CMIP: variants seen among roughly 807,000 people sequenced by gnomAD.
CMIP encodes c-Maf inducing protein.
In CMIP, 13 loss-of-function variants were observed where a neutral mutation model predicts 97.3. That is an observed-to-expected ratio of 0.13 (90% CI 0.09 to 0.21). The LOEUF is 0.21. Among genes scored for constraint, CMIP ranks in the 10% least tolerant of loss-of-function variants. The pLI, the probability that CMIP is intolerant of heterozygous loss-of-function variation, is 1.00. For synonymous variants in CMIP, 538 were observed against 436.3 expected (o/e 1.23, Z -2.91); for missense variants, 847 against 1,024.9 (o/e 0.83, Z 2.37).
chr16:81,501,537 G>A (rs1312778542), intron 1 of CMIP, among the ~76,000 whole-genome samples: 2 of 152,130 alleles, frequency 1.3e-5, no homozygotes, highest in Non-Finnish European at 2.9e-5. Context: ...AGCTGGGGGT[G>A]GAGTGGGGTC....
At chr16:81,485,953 C>T (rs932579126) in intron 1 of CMIP, among the ~76,000 whole-genome samples, 8 of 152,154 alleles carry the variant, frequency 5.3e-5, no homozygotes, top group South Asian at 4.1e-4. Flanking sequence ...GTCACTCAGG[C>T]GCTGTGAGTG....
intron 1 of CMIP, among the ~76,000 whole-genome samples, chr16:81,448,502 C>A (rs923524088): frequency 1.3e-5 from 2 of 152,192 alleles, no homozygotes; most frequent in Non-Finnish European, 2.9e-5. Context: ...TCCAAGGGAC[C>A]TGATAGCCCT....
intron 4 of CMIP, among the ~76,000 whole-genome samples, chr16:81,653,647 C>T (rs1169101277): frequency 6.6e-6 from 1 of 152,196 alleles, no homozygotes; most frequent in East Asian, 1.9e-4. Flanking sequence ...AGGCAGGTGC[C>T]AGGTGCCACC....
intron 10 of CMIP, among the ~76,000 whole-genome samples, chr16:81,688,326 A>G (rs1905652640): frequency 6.6e-6 from 1 of 152,218 alleles, no homozygotes. Context: ...AGCTGCTCTC[A>G]CTGAGGTTTA....
At chr16:81,688,662 G>GT (rs201558433) in intron 10 of CMIP, among the ~76,000 whole-genome samples, 105 of 151,462 alleles carry the variant, frequency 6.9e-4, no homozygotes, top group African/African-American at 1.7e-3. Flanking sequence ...CATCAACTCT[G>GT]TTTTTTTTTA....
intron 10 of CMIP, among the ~76,000 whole-genome samples, chr16:81,680,554 C>A (rs1402516450): frequency 6.6e-6 from 1 of 152,232 alleles, no homozygotes. Flanking sequence ...TCAGGACCAG[C>A]CCCGCCTCGT....
intron 1 of CMIP, among the ~76,000 whole-genome samples, chr16:81,492,401 C>G (rs1401311131): frequency 1.3e-5 from 2 of 152,218 alleles, no homozygotes; most frequent in African/African-American, 4.8e-5. Context: ...CTGGCTGAGT[C>G]CTCTGTCCCT....
intron 1 of CMIP, chr16:81,603,511 G>A: frequency 2.2e-6 from 1 of 449,774 alleles, no homozygotes; most frequent in Non-Finnish European, 4.5e-6. Context: ...TAGTCTGTGG[G>A]CTGCGTTTGT....
At chr16:81,561,889 C>T (rs2090890933) in intron 1 of CMIP, among the ~76,000 whole-genome samples, 1 of 152,166 alleles carries the variant, frequency 6.6e-6, no homozygotes. Context: ...TCCCAGACTT[C>T]TTCTTGGATG....
intron 1 of CMIP, among the ~76,000 whole-genome samples, chr16:81,590,870 T>TC (rs770503084): frequency 2.8e-5 from 4 of 144,050 alleles, no homozygotes; most frequent in Non-Finnish European, 4.7e-5. Context: ...CATCCATCCA[T>TC]CACATTTCTA....
chr16:81,645,689 G>A, intron 3 of CMIP: 2 of 1,430,646 alleles, frequency 1.4e-6, no homozygotes, highest in South Asian at 1.2e-5. Flanking sequence ...TCTGCCTGCT[G>A]TCTCTGCTTG....
chr16:81,567,198 T>G (rs1301805603), intron 1 of CMIP, among the ~76,000 whole-genome samples: 1 of 152,268 alleles, frequency 6.6e-6, no homozygotes, highest in Non-Finnish European at 1.5e-5. Context: ...CACATCGAAG[T>G]CCGAGGCTTT....
In CMIP at chr16:81,702,735, C is replaced by T. The variant is rs138789146; in HGVS notation, c.1944+66C>T. On this transcript the variant is annotated intron_variant, in intron 17 of 20. Coordinates refer to ENST00000537098, the MANE Select transcript of CMIP (RefSeq NM_198390.3). ...TGGGTTGGTCCTCTCTGTTGGGGAA[C>T]GGCAGGTGGTGTCTGCTGCTGAGAT... 277 of 1,438,246 alleles carry T rather than the reference C, an allele frequency of 1.9e-4. No individual in the cohort carries two copies. The African/African-American group carries it at 3.1e-3, about 16-fold the overall frequency. The allele number at this position is 1,438,246 out of a possible 1,614,324, so 89.1% of individuals were successfully genotyped here.
chr16:81,694,917 G>GGA (rs1348723072), intron 13 of CMIP, among the ~76,000 whole-genome samples: 3 of 152,254 alleles, frequency 2.0e-5, no homozygotes. Flanking sequence ...TCAGGGACCA[G>GGA]TGAGTGTCTC....
At chr16:81,691,985 C>G (rs1326538537) in intron 11 of CMIP, 145 bp downstream of exon 11, 4 of 716,084 alleles carry the variant, frequency 5.6e-6, no homozygotes, top group African/African-American at 1.7e-5. Flanking sequence ...CCAGCTCAGC[C>G]ACGTCCTCAG....
intron 1 of CMIP, among the ~76,000 whole-genome samples, chr16:81,456,252 C>T (rs1233845087): frequency 6.6e-6 from 1 of 152,234 alleles, no homozygotes; most frequent in African/African-American, 2.4e-5. Flanking sequence ...GCGGGGTAAT[C>T]ATGACCATTT....
In CMIP at chr16:81,611,204, G is replaced by C. The variant is rs552523040; in HGVS notation, c.426+3512G>C. The stretch of plus-strand genomic sequence containing the variant: ...GCCAAAGGCTGCTGTGTTGGACAGC[G>C]CACATAAAGAACATTTCCATTGACA... On this transcript the variant is annotated intron_variant, in intron 2 of 20. Transcript: ENST00000537098. 3.3e-5 allele frequency: 5 copies of C among 152,384 alleles called. No homozygotes were observed. The East Asian group carries it at 7.7e-4, about 24-fold the overall frequency. The allele number at this position is 152,384 out of a possible 1,614,324, so 9.4% of individuals were successfully genotyped here.
chr16:81,567,687 C>T (rs959694822), intron 1 of CMIP, among the ~76,000 whole-genome samples: 2 of 152,216 alleles, frequency 1.3e-5, no homozygotes, highest in African/African-American at 4.8e-5. Context: ...CAGGACCCTC[C>T]TGCTCTGCCT....
chr16:81,476,539 C>T, intron 1 of CMIP: 1 of 625,828 alleles, frequency 1.6e-6, no homozygotes, highest in South Asian at 1.5e-5. Context: ...AACAGGTTTC[C>T]CGACGGCGCC....
Sources: allele counts gnomAD v4.1 joint callset (sites outside exome capture counted in the v4.1 genomes callset), GRCh38; gene constraint gnomAD v4.1.1; transcripts MANE v1.5; gene names NCBI Gene and HGNC (gene_info 2026-07-23, HGNC 2026-07-21).